CCNJL: variants seen among roughly 807,000 people sequenced by gnomAD.
CCNJL encodes the protein cyclin-J-like protein.
Under a neutral mutation model 33.4 loss-of-function variants are expected in CCNJL, and 33 were observed. The observed-to-expected ratio is 0.99, with a 90% CI of 0.75 to 1.32. The LOEUF is 1.32. Among genes scored for constraint, CCNJL ranks in the 40% most tolerant of loss-of-function variants. The pLI, the probability that CCNJL is intolerant of heterozygous loss-of-function variation, is 0.00. For missense variants in CCNJL, 512 were observed against 499.7 expected (o/e 1.02, Z -0.23); for synonymous variants, 227 against 220.9 (o/e 1.03, Z -0.24).
intron 1 of CCNJL, among the ~76,000 whole-genome samples, chr5:160,322,357 T>A (rs917705578): frequency 6.6e-6 from 1 of 152,176 alleles, no homozygotes; most frequent in African/African-American, 2.4e-5. Context: ...CTTTGATTTT[T>A]TTCTAGTTAA....
chr5:160,266,935 A>G (rs1344141155), intron 3 of CCNJL, among the ~76,000 whole-genome samples: 1 of 152,164 alleles, frequency 6.6e-6, no homozygotes, highest in African/African-American at 2.4e-5. Flanking sequence ...TTCAAGGCTC[A>G]CAGTCCGGGA....
Position 160,258,566 on chromosome 5 carries a change from G to C in CCNJL, c.583+903C>G, listed in dbSNP as rs574725351. 269 of 1,510,794 alleles carry C rather than the reference G, an allele frequency of 1.8e-4. 4 individuals are homozygous for C. The South Asian group carries it at 2.8e-3, about 16-fold the overall frequency. 93.6% of individuals were successfully genotyped at this position (1,510,794 alleles called of 1,614,324 possible). ...GAGGTTATTCGGGAAAGAAAAGAAA[G>C]AGCAGAATGGGCAAAGAGGTAATCA... On this transcript the variant is annotated intron_variant, in intron 4 of 5. Coordinates refer to ENST00000257536, the MANE Select transcript of CCNJL (RefSeq NM_001308173.3).
At chr5:160,304,979 A>AT (rs956349787) in intron 2 of CCNJL, among the ~76,000 whole-genome samples, 16 of 151,592 alleles carry the variant, frequency 1.1e-4, no homozygotes, top group East Asian at 3.9e-4. Flanking sequence ...ACGCCCGGCT[A>AT]TTTTTTTTGT....
intron 2 of CCNJL, among the ~76,000 whole-genome samples, chr5:160,284,279 G>A (rs1043918387): frequency 2.6e-5 from 4 of 152,166 alleles, no homozygotes; most frequent in African/African-American, 9.7e-5. Context: ...TTGAGCACAG[G>A]AGGAGGAGGC....
At chr5:160,270,400 C>T (rs969910217) in intron 3 of CCNJL, among the ~76,000 whole-genome samples, 10 of 151,690 alleles carry the variant, frequency 6.6e-5, no homozygotes, top group African/African-American at 2.2e-4. Context: ...GCCGAAATTG[C>T]GCCACTGCAC....
At position 160,288,478 on chromosome 5, in the gene CCNJL, A is replaced by G. The variant is rs148195740; in HGVS notation, c.67-7740T>C. ...AGTAAGTATCCCACTTCATCTTCCTACAATGCAAAGCCCCTTCCAGAAGGA... is the reference window on the plus strand; with the variant it reads ...AGTAAGTATCCCACTTCATCTTCCTGCAATGCAAAGCCCCTTCCAGAAGGA... On this transcript the variant is annotated intron_variant, in intron 2 of 5. Coordinates refer to ENST00000257536, the MANE Select transcript of CCNJL (RefSeq NM_001308173.3). Among the ~76,000 whole-genome samples the G allele has an allele frequency of 7.0e-3, 1,065 of 152,262 alleles. 11 individuals carry two copies. The highest frequency in any genetic ancestry group is 0.025 in the African/African-American group (1,030 of 41,558).
chr5:160,264,246 T>C (rs1761476105), intron 3 of CCNJL, among the ~76,000 whole-genome samples: 1 of 152,108 alleles, frequency 6.6e-6, no homozygotes, highest in Admixed American at 6.5e-5. Context: ...ACTTATAAGA[T>C]TAAAAAGCAT....
intron 2 of CCNJL, among the ~76,000 whole-genome samples, chr5:160,307,784 C>A (rs1763138263): frequency 6.6e-6 from 1 of 152,064 alleles, no homozygotes; most frequent in African/African-American, 2.4e-5. Flanking sequence ...TGGGCTTCTG[C>A]AGATGCAGCA....
intron 3 of CCNJL, among the ~76,000 whole-genome samples, chr5:160,273,637 C>T (rs1022690674): frequency 1.4e-5 from 2 of 139,360 alleles, no homozygotes; most frequent in East Asian, 2.1e-4. Flanking sequence ...ACGAAAGTGC[C>T]GCCACTTTTT....
At chr5:160,334,267 T>G (rs1763655625) in intron 1 of CCNJL, among the ~76,000 whole-genome samples, 1 of 152,146 alleles carries the variant, frequency 6.6e-6, no homozygotes, top group South Asian at 2.1e-4. Flanking sequence ...AATCCTTTGG[T>G]TGTACACAAT....
intron 2 of CCNJL, among the ~76,000 whole-genome samples, chr5:160,307,770 T>C (rs1400755475): frequency 6.6e-6 from 1 of 152,068 alleles, no homozygotes; most frequent in Non-Finnish European, 1.5e-5. Context: ...AGCGGGGTCC[T>C]AGGTGGGCTT....
intron 1 of CCNJL, chr5:160,339,359 CA>C (rs752641997): frequency 0.023 from 4,903 of 215,322 alleles, 3 homozygotes; most frequent in South Asian, 0.035. Context: ...ACATGCAAAA[CA>C]AAAAAAAAAA....
chr5:160,288,599 G>T (rs1762482122), intron 2 of CCNJL, among the ~76,000 whole-genome samples: 1 of 151,902 alleles, frequency 6.6e-6, no homozygotes, highest in Admixed American at 6.6e-5. Flanking sequence ...AGCCAGGTGT[G>T]GTGGCTCACG....
intron 2 of CCNJL, among the ~76,000 whole-genome samples, chr5:160,300,346 G>C (rs1561802011): frequency 6.6e-6 from 1 of 152,136 alleles, no homozygotes; most frequent in Non-Finnish European, 1.5e-5. Context: ...GCAGGTCTCA[G>C]CCCAGTTCCG....
chr5:160,285,578 C>T (rs1242284407), intron 2 of CCNJL, among the ~76,000 whole-genome samples: 1 of 152,162 alleles, frequency 6.6e-6, no homozygotes, highest in Non-Finnish European at 1.5e-5. Context: ...ATGGGAACTT[C>T]AAAGAAGACA....
chr5:160,290,755 AG>A (rs1762556055), intron 2 of CCNJL, among the ~76,000 whole-genome samples: 5 of 152,198 alleles, frequency 3.3e-5, no homozygotes, highest in African/African-American at 9.7e-5. Context: ...CTGATGCAAA[AG>A]GAACACCTGA....
chr5:160,310,335 G>A (rs1435872855), intron 2 of CCNJL, among the ~76,000 whole-genome samples: 2 of 152,164 alleles, frequency 1.3e-5, no homozygotes, highest in Admixed American at 6.5e-5. Flanking sequence ...ACTCTGTTCT[G>A]GGAAGAAGAC....
At chr5:160,275,824 C>CA (rs1225859993) in intron 3 of CCNJL, among the ~76,000 whole-genome samples, 1 of 151,192 alleles carries the variant, frequency 6.6e-6, no homozygotes, top group African/African-American at 2.4e-5. Context: ...GCCAAAGACT[C>CA]AATACTGCAG....
At chr5:160,337,111 C>T (rs1349872414) in intron 1 of CCNJL, among the ~76,000 whole-genome samples, 1 of 150,176 alleles carries the variant, frequency 6.7e-6, no homozygotes, top group African/African-American at 2.4e-5. Context: ...TCAAGCAATC[C>T]TCCCACCTCA....
Sources: gnomAD v4.1 joint callset for allele counts (sites outside exome capture counted in the v4.1 genomes callset) on GRCh38, gnomAD v4.1.1 for gene constraint, MANE v1.5 for transcripts, NCBI Gene and HGNC (gene_info 2026-07-23, HGNC 2026-07-21) for gene names.